Variants in PRMT7 observed in about 807,000 individuals in gnomAD.
PRMT7 encodes protein arginine N-methyltransferase 7.
A neutral mutation model predicts 85.4 loss-of-function variants in PRMT7; 75 were observed. The ratio of observed to expected loss-of-function variants is 0.88; its 90% CI spans 0.73 to 1.06. PRMT7 has a LOEUF of 1.06. PRMT7 is among the 50% of genes least tolerant of loss of function. The pLI is 0.00. For missense variants in PRMT7, 868 were observed against 915.2 expected, an observed-to-expected ratio of 0.95 and a Z score of 0.67; for synonymous variants, 397 against 359.5, an observed-to-expected ratio of 1.10 and a Z score of -1.18.
At position 68,357,649 on chromosome 16, in the gene PRMT7, C is replaced by G; in HGVS notation, c.*425C>G. 2.4e-5 allele frequency: 1 copy of G among 41,248 alleles called. No homozygotes were observed. The highest frequency in any genetic ancestry group is 4.3e-5 in the Non-Finnish European group (1 of 23,498). 2.6% of individuals were successfully genotyped at this position (41,248 alleles called of 1,614,324 possible). On this transcript the variant is annotated 3_prime_UTR_variant, in exon 19 of 19. Coordinates refer to ENST00000441236, the MANE Select transcript of PRMT7 (RefSeq NM_019023.5). ...TCTCACTCTCGAGGATCTCCGGGTC[C>G]CTGCTCTTCTGGCTTCTGCTAGGAG...
Position 68,358,550 on chromosome 16 carries a change from AAAAT to A in PRMT7, c.*1328_*1331del, listed in dbSNP as rs1255109038. ...GTCCCATGAAGATACAATACAGAAA[AAAAT>A]ACAGAAATTAAAAAAGTTTTTATAA... is the stretch of plus-strand genomic sequence containing the variant. On this transcript the variant is annotated 3_prime_UTR_variant, in exon 19 of 19. Transcript: ENST00000441236. The A allele has an allele frequency of 6.6e-6, 1 of 152,666 alleles. No homozygotes were observed. Among genetic ancestry groups the A allele is most frequent in the African/African-American group, 2.4e-5 (1 of 41,472 alleles). 9.5% of individuals were successfully genotyped at this position (152,666 alleles called of 1,614,324 possible). A position where few individuals can be genotyped will look rare whatever the true frequency, so the allele number is the denominator to read the frequency against.
chr16:68,338,679 C>G (rs1041722312), intron 7 of PRMT7, among the ~76,000 whole-genome samples: 23 of 152,096 alleles, frequency 1.5e-4, no homozygotes, highest in African/African-American at 5.6e-4. Context: ...TTCTGCTAGC[C>G]TTTTACCATG....
chr16:68,349,997 G>T (rs544045021), intron 14 of PRMT7, among the ~76,000 whole-genome samples: 2 of 152,230 alleles, frequency 1.3e-5, no homozygotes, highest in African/African-American at 2.4e-5. Context: ...GCAGCCACTG[G>T]TCTGGTTTGT....
intron 9 of PRMT7, among the ~76,000 whole-genome samples, chr16:68,341,572 GC>G (rs1272414177): frequency 2.0e-5 from 3 of 152,262 alleles, no homozygotes; most frequent in Non-Finnish European, 4.4e-5. Context: ...ACCATGCCTG[GC>G]TAATTTTGTA....
Position 68,344,935 on chromosome 16 carries a change from C to CACACACACACACACACACACACAT in PRMT7, c.928-718_928-717insATACACACACACACACACACACAC, listed in dbSNP as rs1567712919. The stretch of plus-strand genomic sequence containing the variant: ...TTCTGCCTCCCTTCCTGCATCTCTA[C>CACACACACACACACACACACACAT]ACACACACACACACACACACACGGG... On this transcript the variant is annotated intron_variant, in intron 9 of 18. Transcript: ENST00000441236. 4.3e-5 allele frequency among the ~76,000 whole-genome samples: 6 copies of CACACACACACACACACACACACAT among 140,336 alleles called. No individual in the cohort carries two copies. The East Asian group carries it at 1.3e-3, about 29-fold the overall frequency. 92.1% of individuals were successfully genotyped at this position (140,336 alleles called of 152,430 possible).
chr16:68,329,290 T>A lies in PRMT7; in HGVS notation c.391+116T>A. 5 of 688,770 alleles carry A rather than the reference T, an allele frequency of 7.3e-6. No homozygotes were observed. The South Asian group carries it at 8.8e-5, about 12-fold the overall frequency. The allele number at this position is 688,770 out of a possible 1,614,324, so 42.7% of individuals were successfully genotyped here. Reference sequence around the variant, plus strand: ...TCATAGCATAGAAGTGGGACCTCTCTGTGTGGAGCTCTGACAGTAAGGACT... The same window carrying A: ...TCATAGCATAGAAGTGGGACCTCTCAGTGTGGAGCTCTGACAGTAAGGACT... On this transcript the variant is annotated intron_variant, in intron 6 of 18. Transcript: ENST00000441236.
rs1018044183 is a variant in PRMT7 at position 68,358,131 on chromosome 16, C to G, written c.*907C>G. 1 of 152,302 alleles carries G rather than the reference C, an allele frequency of 6.6e-6. No individual in the cohort carries two copies. Among genetic ancestry groups the G allele is most frequent in the African/African-American group, 2.4e-5 (1 of 41,464 alleles). 9.4% of individuals were successfully genotyped at this position (152,302 alleles called of 1,614,324 possible). ...TGAGAGAACCCAGTGGCCTCTGGCTCGCAGCTTAGAAGGTGAGGCTTGTGC... is the reference window on the plus strand; with the variant it reads ...TGAGAGAACCCAGTGGCCTCTGGCTGGCAGCTTAGAAGGTGAGGCTTGTGC... On this transcript the variant is annotated 3_prime_UTR_variant, in exon 19 of 19. Transcript: ENST00000441236.
Position 68,355,728 on chromosome 16 carries a change from C to T in PRMT7, c.1656C>T (p.Ala552=). Residue 552 remains alanine (A), a synonymous_variant, in exon 17 of 19, where the codon GCC becomes GCT. Transcript: ENST00000441236. ...AGGCCCCCTTCTGTTCGCAGCGTGC[C>T]CTGGACTTCAGGGAGAGCAGGGAAG... ...VHIMDDMIKR[A]LDFRESREAE... is the part of the protein sequence containing the mutation. The T allele has an allele frequency of 1.3e-6, 2 of 1,597,702 alleles. No individual in the cohort carries two copies. Among genetic ancestry groups the T allele is most frequent in the Middle Eastern group, 1.7e-4 (1 of 6,006 alleles).
At chr16:68,356,867 C>G in intron 18 of PRMT7, 70 bp downstream of exon 18, 3 of 1,471,284 alleles carry the variant, frequency 2.0e-6, no homozygotes, top group Non-Finnish European at 2.8e-6. Context: ...GGAGGCCTCC[C>G]TGCCCCCATG....
intron 4 of PRMT7, chr16:68,323,611 T>C (rs1294025881): frequency 6.6e-6 from 1 of 152,252 alleles, no homozygotes; most frequent in African/African-American, 2.4e-5. Flanking sequence ...TGTTTCTTAA[T>C]GTATGAAAAA....
At chr16:68,329,728 G>C (rs996834563) in intron 6 of PRMT7, among the ~76,000 whole-genome samples, 3 of 152,076 alleles carry the variant, frequency 2.0e-5, no homozygotes, top group Non-Finnish European at 4.4e-5. Flanking sequence ...AATTAGCCAG[G>C]CATGGTGGTG....
intron 6 of PRMT7, among the ~76,000 whole-genome samples, chr16:68,336,175 T>C (rs2084663056): frequency 6.6e-6 from 1 of 152,212 alleles, no homozygotes; most frequent in African/African-American, 2.4e-5. Context: ...TTATAATTCA[T>C]GAGGCATTAA....
Position 68,315,993 on chromosome 16 carries a change from G to A in PRMT7, c.14G>A (p.Cys5Tyr). Reference protein sequence around the residue: MKIFCSRANPTTGSV... With the variant: MKIFYSRANPTTGSV... ...CTAGTGGGCACCATGAAGATCTTCTGCAGTCGGGCCAATCCGACCACGGGG... is the reference window on the plus strand; with the variant it reads ...CTAGTGGGCACCATGAAGATCTTCTACAGTCGGGCCAATCCGACCACGGGG... The change falls in exon 3 of 19, where the codon TGC (cysteine) becomes TAC (tyrosine). Residue 5 changes from cysteine (C) to tyrosine (Y), a missense_variant. Transcript: ENST00000441236. 1.2e-6 allele frequency: 2 copies of A among 1,613,642 alleles called. No homozygotes were observed. The highest frequency in any genetic ancestry group is 1.7e-6 in the Non-Finnish European group (2 of 1,179,938).
At chr16:68,330,718 A>C (rs1042407242) in intron 6 of PRMT7, among the ~76,000 whole-genome samples, 1 of 151,698 alleles carries the variant, frequency 6.6e-6, no homozygotes, top group East Asian at 1.9e-4. Context: ...CTTCAGCCTC[A>C]TGAGTAGCTG....
intron 9 of PRMT7, among the ~76,000 whole-genome samples, chr16:68,340,187 A>G (rs1393170840): frequency 6.6e-6 from 1 of 152,156 alleles, no homozygotes; most frequent in Non-Finnish European, 1.5e-5. Flanking sequence ...ACAGTGAGGA[A>G]CAGAGAAGTT....
rs564734882 is a variant in PRMT7, at chr16:68,317,762, C to T, written c.95+1688C>T. On this transcript the variant is annotated intron_variant, in intron 3 of 18. Transcript: ENST00000441236. ...AGGAGAATCACTTGAACCTGGGAGG[C>T]GGAGGTTGCCATGAGCCGAGATCGT... 3.3e-5 allele frequency among the ~76,000 whole-genome samples: 5 copies of T among 151,238 alleles called. 1 individual carries two copies. In the South Asian group the frequency reaches 1.0e-3, roughly 32 times the overall value.
chr16:68,321,950 ATT>A (rs751720148), intron 4 of PRMT7, among the ~76,000 whole-genome samples: 9 of 140,624 alleles, frequency 6.4e-5, no homozygotes, highest in Non-Finnish European at 7.8e-5. Context: ...TGAGTTCAAC[ATT>A]TTTTTTTTTT....
chr16:68,324,554 C>A, intron 4 of PRMT7, 129 bp from the exon 5 acceptor site: 1 of 1,144,428 alleles, frequency 8.7e-7, no homozygotes, highest in Non-Finnish European at 1.2e-6. Context: ...AGCTGTTCTG[C>A]CAGGGGCCAG....
chr16:68,360,127 C>T (rs1159442915), downstream of PRMT7: 2 of 152,666 alleles, frequency 1.3e-5, no homozygotes, highest in Non-Finnish European at 2.9e-5. Context: ...GCCGCAGCCC[C>T]ACCCGGGGGG....
Sources: allele counts gnomAD v4.1 joint callset (sites outside exome capture counted in the v4.1 genomes callset), GRCh38; gene constraint gnomAD v4.1.1; transcripts MANE v1.5; gene names NCBI Gene and HGNC (gene_info 2026-07-23, HGNC 2026-07-21).